The following SLC26A7 variants were observed in gnomAD, a reference collection of about 807,000 sequenced individuals.
SLC26A7 encodes solute carrier family 26 member 7, also known as anion exchange transporter.
A neutral mutation model predicts 82.5 loss-of-function variants in SLC26A7; 59 were observed. That is an observed-to-expected ratio of 0.72 (90% CI 0.58 to 0.89). SLC26A7 has a LOEUF of 0.89. SLC26A7 is among the 40% of genes least tolerant of loss of function. SLC26A7 has a pLI of 0.00. For synonymous variants in SLC26A7, 271 were observed against 274.3 expected (o/e 0.99, Z 0.12); for missense variants, 820 against 793.0 (o/e 1.03, Z -0.41).
chr8:91,261,689 C>T (rs578006877), intron 2 of SLC26A7, among the ~76,000 whole-genome samples: 49 of 152,128 alleles, frequency 3.2e-4, no homozygotes, highest in Non-Finnish European at 6.5e-4. Flanking sequence ...CACTCCTTCC[C>T]TGGAAAGGAT....
intron 11 of SLC26A7, 57 bp from the exon 12 acceptor site, chr8:91,362,296 A>T (rs1466934957): frequency 7.7e-7 from 1 of 1,303,730 alleles, no homozygotes. Flanking sequence ...CTTAGCAATA[A>T]TGAGAAGAAG....
chr8:91,230,173 C>T (rs367675498), intron 2 of SLC26A7, among the ~76,000 whole-genome samples: 4 of 152,200 alleles, frequency 2.6e-5, no homozygotes, highest in East Asian at 3.9e-4. Flanking sequence ...TATTCCATAA[C>T]GTAACTGTAA....
intron 5 of SLC26A7, among the ~76,000 whole-genome samples, chr8:91,322,329 A>G (rs191175938): frequency 9.9e-5 from 15 of 152,274 alleles, no homozygotes; most frequent in African/African-American, 3.4e-4. Flanking sequence ...CATTTAATAA[A>G]TTATAAACAG....
At chr8:91,347,478 G>C (rs1221773064) in intron 9 of SLC26A7, among the ~76,000 whole-genome samples, 1 of 152,068 alleles carries the variant, frequency 6.6e-6, no homozygotes, top group African/African-American at 2.4e-5. Context: ...TAATTTAAAA[G>C]TTATTAATGA....
At chr8:91,379,906 A>G (rs914397693) in intron 15 of SLC26A7, among the ~76,000 whole-genome samples, 2 of 152,096 alleles carry the variant, frequency 1.3e-5, no homozygotes, top group Admixed American at 6.6e-5. Context: ...AAAATGCAGA[A>G]AGGACTGCTT....
intron 2 of SLC26A7, among the ~76,000 whole-genome samples, chr8:91,275,270 A>G (rs1448417653): frequency 3.9e-5 from 6 of 152,204 alleles, no homozygotes; most frequent in East Asian, 1.9e-4. Context: ...GCATGTAGCC[A>G]GCACTTTCAC....
intron 2 of SLC26A7, among the ~76,000 whole-genome samples, chr8:91,285,358 G>T (rs149946464): frequency 6.6e-6 from 1 of 152,202 alleles, no homozygotes; most frequent in Non-Finnish European, 1.5e-5. Context: ...GCGTTCACAC[G>T]CCTTCATTGT....
rs1414883454 is a variant in SLC26A7 at position 91,397,118 on chromosome 8, TG to T, written c.*2023del. The T allele has an allele frequency of 6.6e-6, 1 of 152,086 alleles. No homozygotes were observed. The highest frequency in any genetic ancestry group is 1.9e-4 in the East Asian group (1 of 5,198). 9.4% of individuals were successfully genotyped at this position (152,086 alleles called of 1,614,324 possible). On this transcript the variant is annotated 3_prime_UTR_variant, in exon 19 of 19. Coordinates refer to ENST00000276609, the MANE Select transcript of SLC26A7 (RefSeq NM_052832.4). ...TTCAGTGTTTATAGTAGAAGTTTAG[TG>T]GATAAAACTTTAAGTCCAATAACTT...
At chr8:91,228,722 A>G (rs1397328279) in intron 2 of SLC26A7, among the ~76,000 whole-genome samples, 1 of 152,168 alleles carries the variant, frequency 6.6e-6, no homozygotes, top group Non-Finnish European at 1.5e-5. Context: ...AGTCACTTTA[A>G]TTATAACTAA....
intron 2 of SLC26A7, among the ~76,000 whole-genome samples, chr8:91,281,719 C>T (rs919982318): frequency 1.3e-5 from 2 of 152,142 alleles, no homozygotes; most frequent in Admixed American, 1.3e-4. Flanking sequence ...CTTCTGGTAC[C>T]TTGGAGAATC....
At position 91,340,507 on chromosome 8, in the gene SLC26A7, C is replaced by A. The variant is rs1487764581; in HGVS notation, c.982C>A (p.Gln328Lys). The change falls in exon 8 of 19, where the codon CAA (glutamine) becomes AAA (lysine). Residue 328 changes from glutamine to lysine, a missense_variant. Physicochemically the swap from Gln to Lys is moderately conservative, Grantham distance 53. Coordinates refer to ENST00000276609, the MANE Select transcript of SLC26A7 (RefSeq NM_052832.4). ...VGYVASLALA[Q>K]GSAKKFKYSI... ...CTATGTGGCCTCACTGGCTCTTGCT[C>A]AAGGATCTGCCAAAAAATTCAAATA... The A allele has an allele frequency of 1.2e-6, 2 of 1,613,860 alleles. No individual in the cohort carries two copies. Among genetic ancestry groups the A allele is most frequent in the Non-Finnish European group, 1.7e-6 (2 of 1,179,938 alleles).
intron 9 of SLC26A7, among the ~76,000 whole-genome samples, chr8:91,343,702 TG>T (rs1440794194): frequency 2.6e-5 from 4 of 152,366 alleles, no homozygotes; most frequent in Admixed American, 1.3e-4. Flanking sequence ...TGAAGCTTTA[TG>T]GTTAGCAACC....
chr8:91,390,589 T>C (rs1053534349), intron 16 of SLC26A7, among the ~76,000 whole-genome samples: 2 of 152,114 alleles, frequency 1.3e-5, no homozygotes, highest in Non-Finnish European at 2.9e-5. Flanking sequence ...CACCTCATCT[T>C]CAGGTGTTTA....
intron 11 of SLC26A7, among the ~76,000 whole-genome samples, chr8:91,360,124 G>A (rs1052256569): frequency 6.6e-6 from 1 of 152,040 alleles, no homozygotes; most frequent in African/African-American, 2.4e-5. Context: ...GCTGAACATT[G>A]GATACAGAAT....
At position 91,389,394 on chromosome 8, in the gene SLC26A7, G is replaced by A; in HGVS notation, c.1732G>A (p.Gly578Arg). The A allele has an allele frequency of 6.2e-7, 1 of 1,613,994 alleles. No individual in the cohort carries two copies. ...EKCYLILDCS[G>R]FTFFDYSGVS... ...GTGTTATTTAATCCTGGATTGCAGTGGATTTACCTTTTTTGACTATTCTGG... is the reference window on the plus strand; with the variant it reads ...GTGTTATTTAATCCTGGATTGCAGTAGATTTACCTTTTTTGACTATTCTGG... The change falls in exon 16 of 19, where the codon GGA (glycine) becomes AGA (arginine). Residue 578 changes from glycine (G) to arginine (R), a missense_variant. Physicochemically the swap from Gly to Arg is moderately radical, Grantham distance 125 (BLOSUM62 -2). Coordinates refer to ENST00000276609, the MANE Select transcript of SLC26A7 (RefSeq NM_052832.4).
chr8:91,290,661 G>A (rs886774313), intron 3 of SLC26A7, among the ~76,000 whole-genome samples: 2 of 152,100 alleles, frequency 1.3e-5, no homozygotes, highest in Admixed American at 1.3e-4. Flanking sequence ...CAGCTGCTTG[G>A]CAACTTTAAT....
At chr8:91,394,542 G>C in intron 18 of SLC26A7, 1 of 1,267,886 alleles carries the variant, frequency 7.9e-7, no homozygotes, top group East Asian at 3.4e-5. Flanking sequence ...TTTTACAACT[G>C]TTCTTAGAGC....
intron 2 of SLC26A7, among the ~76,000 whole-genome samples, chr8:91,261,637 T>C (rs1214459837): frequency 6.6e-6 from 1 of 152,080 alleles, no homozygotes; most frequent in Non-Finnish European, 1.5e-5. Context: ...TACTGATCTA[T>C]ATTATATGAT....
chr8:91,260,132 A>T (rs1163645302), intron 2 of SLC26A7, among the ~76,000 whole-genome samples: 4 of 152,142 alleles, frequency 2.6e-5, no homozygotes, highest in Non-Finnish European at 5.9e-5. Context: ...GGTAATTTAT[A>T]AAGGAAAGAG....
Sources: allele counts gnomAD v4.1 joint callset (sites outside exome capture counted in the v4.1 genomes callset), GRCh38; gene constraint gnomAD v4.1.1; transcripts MANE v1.5; gene names NCBI Gene and HGNC (gene_info 2026-07-23, HGNC 2026-07-21).